SETD2: variants seen among roughly 807,000 people sequenced by gnomAD.
SETD2 encodes histone-lysine N-methyltransferase SETD2.
A neutral mutation model predicts 242.1 loss-of-function variants in SETD2; 31 were observed. The observed-to-expected ratio is 0.13, with a 90% confidence interval of 0.10 to 0.17. The LOEUF (loss-of-function observed/expected upper bound fraction) is 0.17. Among genes scored for constraint, SETD2 ranks in the 10% least tolerant of loss-of-function variants. The pLI, the probability that SETD2 is intolerant of heterozygous loss-of-function variation, is 1.00. For synonymous variants in SETD2, 1,006 were observed against 1,066.5 expected, an observed-to-expected ratio of 0.94 and a Z score of 1.11; for missense variants, 2,481 against 3,046.3, an observed-to-expected ratio of 0.81 and a Z score of 4.37.
At position 47,123,947 on chromosome 3, in the gene SETD2, G is replaced by A. The variant is rs2106716113; in HGVS notation, c.689C>T (p.Pro230Leu). The A allele has an allele frequency of 1.3e-6, 2 of 1,551,318 alleles. No individual in the cohort carries two copies. The change falls in exon 3 of 21, where the codon CCA becomes CTA. Residue 230 changes from proline (P) to leucine (L), a missense_variant. By Grantham distance (98) the Pro-to-Leu change is moderately conservative. Transcript: ENST00000409792. ...CAGAGATCTAACTGCTACATCTACT[G>A]GTAAGGGTACTGGTGCTGCCATTAG... ...TVLMAAPVPL[P>L]VDVAVRSLKE...
chr3:47,102,617 C>A (rs1474252818), intron 7 of SETD2, among the ~76,000 whole-genome samples: 9 of 152,002 alleles, frequency 5.9e-5, no homozygotes, highest in Admixed American at 4.6e-4. Context: ...ATGGCAAAAC[C>A]CCGTCTCTAC....
chr3:47,114,095 T>C (rs2042762097), intron 4 of SETD2, 91 bp from the exon 5 acceptor site: 2 of 1,286,642 alleles, frequency 1.6e-6, no homozygotes, highest in Non-Finnish European at 2.2e-6. Flanking sequence ...ACTACATATA[T>C]ACATACTTTT....
At position 47,046,502 on chromosome 3, in the gene SETD2, A is replaced by T. The variant is rs552916928; in HGVS notation, c.7083T>A (p.Pro2361=). 9 of 1,606,424 alleles carry T rather than the reference A, an allele frequency of 5.6e-6. No individual in the cohort carries two copies. In the East Asian group the frequency reaches 1.8e-4, roughly 32 times the overall value. Reference sequence around the variant, plus strand: ...CATTTCTTACTGGCTGCAAGGGCTGAGGCTGCCCTGGTGCAACTATTGTAG... The same window carrying T: ...CATTTCTTACTGGCTGCAAGGGCTGTGGCTGCCCTGGTGCAACTATTGTAG... ...AVTTIVAPGQ[P]QPLQPSEMVV... The change falls in exon 16 of 21, where the codon CCT becomes CCA. Residue 2361 remains proline, a synonymous_variant. Transcript: ENST00000409792.
intron 12 of SETD2, among the ~76,000 whole-genome samples, chr3:47,083,253 G>C (rs1178557196): frequency 6.6e-6 from 1 of 152,108 alleles, no homozygotes; most frequent in Non-Finnish European, 1.5e-5. Flanking sequence ...AAGTGAATAC[G>C]AACTAGTTCC....
intron 1 of SETD2, among the ~76,000 whole-genome samples, chr3:47,138,973 A>G (rs2043659742): frequency 6.6e-6 from 1 of 151,910 alleles, no homozygotes. Flanking sequence ...TTTTTTTGAC[A>G]GGGTCTTGCT....
At chr3:47,109,823 T>C (rs773088232) in intron 5 of SETD2, among the ~76,000 whole-genome samples, 1 of 151,500 alleles carries the variant, frequency 6.6e-6, no homozygotes, top group Non-Finnish European at 1.5e-5. Flanking sequence ...CCCTCTCTAC[T>C]AAAAATAGAA....
chr3:47,085,717 G>A (rs925560472), intron 11 of SETD2, among the ~76,000 whole-genome samples: 2 of 152,252 alleles, frequency 1.3e-5, no homozygotes, highest in East Asian at 1.9e-4. Flanking sequence ...TAAAGACATC[G>A]TAACTCCACT....
At chr3:47,127,261 G>A (rs1204733841) in intron 1 of SETD2, among the ~76,000 whole-genome samples, 1 of 151,900 alleles carries the variant, frequency 6.6e-6, no homozygotes, top group African/African-American at 2.4e-5. Context: ...GGGAGGCTGA[G>A]GTGGGAGGAT....
At chr3:47,100,218 G>A (rs1354356253) in intron 8 of SETD2, among the ~76,000 whole-genome samples, 2 of 151,890 alleles carry the variant, frequency 1.3e-5, no homozygotes, top group Non-Finnish European at 2.9e-5. Context: ...GAGATTACAG[G>A]CATGAGCCAC....
chr3:47,123,255 A>G lies in SETD2; in HGVS notation c.1381T>C (p.Ser461Pro), dbSNP rs2106699279. 1 of 1,553,896 alleles carries G rather than the reference A, an allele frequency of 6.4e-7. No individual in the cohort carries two copies. The highest frequency in any genetic ancestry group is 1.2e-5 in the South Asian group (1 of 84,816). ...TDNRARESSD[S>P]EEEYKKTYSR... ...TATGTCTTCTTATACTCTTCTTCTG[A>G]GTCAGAACTCTCTCGTGCTCTGTTA... Residue 461 changes from serine (S) to proline (P), a missense_variant, in exon 3 of 21, where the codon TCA becomes CCA. Physicochemically the swap from Ser to Pro is moderately conservative, Grantham distance 74. Coordinates refer to ENST00000409792, the MANE Select transcript of SETD2 (RefSeq NM_014159.7).
rs1204908942 is a variant in SETD2, at chr3:47,057,296, G to T, written c.6488C>A (p.Pro2163His). The change falls in exon 15 of 21, where the codon CCC becomes CAC. Residue 2163 changes from proline (P) to histidine (H), a missense_variant. This residue lies in a region of SETD2 where 45 missense variants were observed against 62.8 expected (regional missense o/e 0.72). Transcript: ENST00000409792. ...DSLGYNAPHH[P>H]FAGYPPGYPM... ...ATAACCTGGTGGGTAACCAGCAAAG[G>T]GATGATGCGGGGCATTATAACCAAG... 1 of 1,614,176 alleles carries T rather than the reference G, an allele frequency of 6.2e-7. No homozygotes were observed. The highest frequency in any genetic ancestry group is 8.5e-7 in the Non-Finnish European group (1 of 1,180,048).
At position 47,097,957 on chromosome 3, in the gene SETD2, A is replaced by C. The variant is rs1248520088; in HGVS notation, c.5140T>G (p.Ser1714Ala). The C allele has an allele frequency of 6.2e-7, 1 of 1,612,552 alleles. No individual in the cohort carries two copies. Among genetic ancestry groups the C allele is most frequent in the East Asian group, 2.2e-5 (1 of 44,866 alleles). Residue 1714 changes from serine (S) to alanine (A), a missense_variant and splice_region_variant, in exon 9 of 21, where the codon TCA becomes GCA. Ser to Ala is a moderately conservative substitution (Grantham distance 99). Coordinates refer to ENST00000409792, the MANE Select transcript of SETD2 (RefSeq NM_014159.7). Reference protein sequence around the residue: ...MKKERSRKKDSVDGELEALME... With the variant: ...MKKERSRKKDAVDGELEALME... ...TTGAAAGAAAAATGCAAACTTACTG[A>C]ATCCTTCTTACGAGATCGTTCCTTC...
chr3:47,081,747 C>T (rs1185326899), intron 12 of SETD2, among the ~76,000 whole-genome samples: 3 of 152,076 alleles, frequency 2.0e-5, no homozygotes, highest in Non-Finnish European at 4.4e-5. Context: ...AGAACCCCAG[C>T]ACCAATGTAT....
intron 15 of SETD2, among the ~76,000 whole-genome samples, chr3:47,054,616 T>A (rs1206510295): frequency 1.3e-5 from 2 of 151,924 alleles, no homozygotes; most frequent in Non-Finnish European, 2.9e-5. Context: ...TGAAACATAC[T>A]CTCTCCCTAC....
intron 9 of SETD2, among the ~76,000 whole-genome samples, chr3:47,088,456 G>A (rs950313639): frequency 1.3e-5 from 2 of 150,980 alleles, no homozygotes; most frequent in East Asian, 3.9e-4. Context: ...TAATACATTT[G>A]AAATGCATTT....
intron 11 of SETD2, 123 bp downstream of exon 11, chr3:47,086,072 A>G (rs772943523): frequency 1.4e-5 from 15 of 1,069,020 alleles, no homozygotes; most frequent in Non-Finnish European, 2.0e-5. Context: ...TGAAAAAATT[A>G]TTTGATTATT....
At position 47,106,127 on chromosome 3, in the gene SETD2, A is replaced by C. The variant is rs752950544; in HGVS notation, c.4716-7T>G. 6.2e-7 allele frequency: 1 copy of C among 1,609,598 alleles called. No homozygotes were observed. Among genetic ancestry groups the C allele is most frequent in the East Asian group, 2.2e-5 (1 of 44,776 alleles). On this transcript the variant is annotated splice_region_variant and splice_polypyrimidine_tract_variant and intron_variant, in intron 5 of 20. Coordinates refer to ENST00000409792, the MANE Select transcript of SETD2 (RefSeq NM_014159.7). Reference sequence around the variant, plus strand: ...TTCTAGGACAAAGGTGTTCCTGCAAACCAAAAGGAAAAAAATAGCACTTCC... The same window carrying C: ...TTCTAGGACAAAGGTGTTCCTGCAACCCAAAAGGAAAAAAATAGCACTTCC...
intron 4 of SETD2, among the ~76,000 whole-genome samples, chr3:47,115,795 T>G (rs2042829775): frequency 6.6e-6 from 1 of 151,972 alleles, no homozygotes; most frequent in Admixed American, 6.6e-5. Flanking sequence ...CAGGTGTGTG[T>G]CATCATGCCT....
chr3:47,088,069 C>A (rs2107650442), intron 10 of SETD2, 44 bp downstream of exon 10: 1 of 1,572,510 alleles, frequency 6.4e-7, no homozygotes, highest in Non-Finnish European at 8.6e-7. Flanking sequence ...TCATTCATTC[C>A]CACCACAAAA....
Sources: allele counts gnomAD v4.1 joint callset (sites outside exome capture counted in the v4.1 genomes callset), GRCh38; gene constraint gnomAD v4.1.1; regional missense constraint gnomAD v4.1.1; transcripts MANE v1.5; gene names NCBI Gene and HGNC (gene_info 2026-07-23, HGNC 2026-07-21).